Variants in RYR3 observed in about 807,000 individuals in gnomAD.
The protein encoded by RYR3 is ryanodine receptor 3.
A neutral mutation model predicts 584.3 loss-of-function variants in RYR3; 207 were observed. The ratio of observed to expected loss-of-function variants is 0.35; its 90% CI spans 0.32 to 0.40. RYR3 has a LOEUF of 0.40. Among genes scored for constraint, RYR3 ranks in the 10% least tolerant of loss-of-function variants. The pLI, the probability that RYR3 is intolerant of heterozygous loss-of-function variation, is 1.00. For synonymous variants in RYR3, 2,416 were observed against 2,248.5 expected, an observed-to-expected ratio of 1.07 and a Z score of -2.11; for missense variants, 5,616 against 6,089.2, an observed-to-expected ratio of 0.92 and a Z score of 2.59.
intron 38 of RYR3, among the ~76,000 whole-genome samples, chr15:33,680,610 G>T (rs1159131661): frequency 6.6e-6 from 1 of 152,234 alleles, no homozygotes; most frequent in East Asian, 1.9e-4. Context: ...CTTGGTCACA[G>T]GCCAATTCGT....
chr15:33,854,352 A>T, intron 96 of RYR3, 37 bp from the exon 97 acceptor site: 1 of 1,527,272 alleles, frequency 6.5e-7, no homozygotes, highest in Non-Finnish European at 8.9e-7. Flanking sequence ...CTACCTCTTG[A>T]CATTTATAAG....
intron 36 of RYR3, among the ~76,000 whole-genome samples, chr15:33,667,459 C>T (rs553308156): frequency 3.9e-5 from 6 of 152,246 alleles, no homozygotes; most frequent in South Asian, 4.2e-4. Flanking sequence ...ACCAAAATTG[C>T]ACATTTTTTC....
At chr15:33,855,500 G>A (rs765100104) in intron 98 of RYR3, among the ~76,000 whole-genome samples, 12 of 152,126 alleles carry the variant, frequency 7.9e-5, no homozygotes, top group South Asian at 2.1e-4. Context: ...CATCGTGCCC[G>A]GCCGGAGATC....
chr15:33,840,956 A>G (rs1475757385), intron 90 of RYR3, 73 bp downstream of exon 90: 12 of 1,371,902 alleles, frequency 8.7e-6, no homozygotes, highest in Non-Finnish European at 1.0e-5. Flanking sequence ...AGTGGCTCGC[A>G]CCTGTAATCC....
chr15:33,756,759 G>C (rs2071877415), intron 59 of RYR3, among the ~76,000 whole-genome samples: 1 of 152,036 alleles, frequency 6.6e-6, no homozygotes, highest in South Asian at 2.1e-4. Context: ...TCACCTTACT[G>C]ACCCCAGGCA....
At chr15:33,559,718 T>A (rs1165294799) in intron 10 of RYR3, among the ~76,000 whole-genome samples, 1 of 152,088 alleles carries the variant, frequency 6.6e-6, no homozygotes, top group Non-Finnish European at 1.5e-5. Flanking sequence ...AGATTGCATA[T>A]CAAAGGCATG....
chr15:33,716,591 G>T (rs1297486554), intron 43 of RYR3, among the ~76,000 whole-genome samples: 2 of 151,772 alleles, frequency 1.3e-5, no homozygotes, highest in African/African-American at 4.8e-5. Flanking sequence ...CTCAAATAAA[G>T]AAGCCAATGG....
At chr15:33,422,857 G>A (rs1173506675) in intron 1 of RYR3, among the ~76,000 whole-genome samples, 1 of 152,130 alleles carries the variant, frequency 6.6e-6, no homozygotes, top group Non-Finnish European at 1.5e-5. Context: ...ATATTTTAAA[G>A]GCATCTAGTT....
At chr15:33,648,851 A>G (rs1237046793) in intron 30 of RYR3, among the ~76,000 whole-genome samples, 2 of 152,232 alleles carry the variant, frequency 1.3e-5, no homozygotes. Flanking sequence ...TTGCTTTGCC[A>G]GATGCTACAG....
chr15:33,435,656 C>T (rs563506417), intron 1 of RYR3, among the ~76,000 whole-genome samples: 1 of 152,306 alleles, frequency 6.6e-6, no homozygotes, highest in East Asian at 1.9e-4. Flanking sequence ...AATGAAGCCA[C>T]CGACCTCAAG....
chr15:33,788,098 C>A, intron 66 of RYR3, 120 bp from the exon 67 acceptor site: 2 of 1,256,596 alleles, frequency 1.6e-6, no homozygotes, highest in Non-Finnish European at 2.3e-6. Flanking sequence ...AGGAAGGGAA[C>A]AAGGGGCAGG....
At chr15:33,835,168 A>G in intron 87 of RYR3, 96 bp downstream of exon 87, 1 of 925,236 alleles carries the variant, frequency 1.1e-6, no homozygotes, top group Admixed American at 2.2e-5. Context: ...TGCTTGATCA[A>G]AGGCTGGACA....
intron 67 of RYR3, among the ~76,000 whole-genome samples, 198 bp from the exon 68 acceptor site, chr15:33,800,572 A>T (rs977591701): frequency 1.3e-5 from 2 of 152,222 alleles, no homozygotes; most frequent in African/African-American, 4.8e-5. Context: ...TCTTTCAAGA[A>T]ATCTACTCTA....
intron 7 of RYR3, among the ~76,000 whole-genome samples, chr15:33,541,530 G>T (rs987248761): frequency 2.6e-5 from 4 of 152,116 alleles, no homozygotes; most frequent in African/African-American, 9.7e-5. Context: ...TAATACCACA[G>T]CTGAGAAGAA....
chr15:33,780,211 G>A lies in RYR3; in HGVS notation c.9138G>A (p.Arg3046=). 2 of 1,613,344 alleles carry A rather than the reference G, an allele frequency of 1.2e-6. No homozygotes were observed. The highest frequency in any genetic ancestry group is 1.1e-5 in the South Asian group (1 of 90,988). ...LGTGKNIYVE[R]QRPALGECLA... is the part of the protein sequence containing the mutation. ...TCTCAATGGACTTCTTTGTTTCCAGGCAACGCCCTGCCCTTGGAGAATGTC... is the reference window on the plus strand; with the variant it reads ...TCTCAATGGACTTCTTTGTTTCCAGACAACGCCCTGCCCTTGGAGAATGTC... Residue 3046 remains arginine, a splice_region_variant and synonymous_variant, in exon 65 of 104, where the codon AGG becomes AGA. Coordinates refer to ENST00000634891, the MANE Select transcript of RYR3 (RefSeq NM_001036.6).
At chr15:33,723,270 C>T (rs1481707814) in intron 44 of RYR3, among the ~76,000 whole-genome samples, 1 of 152,212 alleles carries the variant, frequency 6.6e-6, no homozygotes, top group Non-Finnish European at 1.5e-5. Flanking sequence ...TCCCATACCT[C>T]ATTTGTAAAA....
At chr15:33,812,049 G>A (rs1264549474) in intron 72 of RYR3, among the ~76,000 whole-genome samples, 1 of 152,098 alleles carries the variant, frequency 6.6e-6, no homozygotes, top group African/African-American at 2.4e-5. Flanking sequence ...AATCTTAGGG[G>A]CTTGGTTTTT....
At chr15:33,807,423 G>T (rs894936625) in intron 69 of RYR3, 132 bp from the exon 70 acceptor site, 1 of 872,862 alleles carries the variant, frequency 1.1e-6, no homozygotes, top group Non-Finnish European at 1.9e-6. Context: ...CAGAACCATT[G>T]AGTTTCTGTT....
intron 60 of RYR3, among the ~76,000 whole-genome samples, chr15:33,766,925 C>T (rs1381340044): frequency 6.6e-6 from 1 of 152,330 alleles, no homozygotes; most frequent in Admixed American, 6.5e-5. Flanking sequence ...CCAGTTAAAT[C>T]CCAGGTTCCA....
Sources: allele counts gnomAD v4.1 joint callset (sites outside exome capture counted in the v4.1 genomes callset), GRCh38; gene constraint gnomAD v4.1.1; transcripts MANE v1.5; gene names NCBI Gene and HGNC (gene_info 2026-07-23, HGNC 2026-07-21).